UBASH3B: variants seen among roughly 807,000 people sequenced by gnomAD.
The protein encoded by UBASH3B is ubiquitin associated and SH3 domain containing B.
A neutral mutation model predicts 83.4 loss-of-function variants in UBASH3B; 37 were observed. The ratio of observed to expected loss-of-function variants is 0.44; its 90% CI spans 0.34 to 0.58. The LOEUF is 0.58. Among genes scored for constraint, UBASH3B ranks in the 20% least tolerant of loss-of-function variants. The pLI, the probability that UBASH3B is intolerant of heterozygous loss-of-function variation, is 0.01. For synonymous variants in UBASH3B, 304 were observed against 318.3 expected, an observed-to-expected ratio of 0.96 and a Z score of 0.48; for missense variants, 657 against 827.2, an observed-to-expected ratio of 0.79 and a Z score of 2.52.
At chr11:122,786,039 G>GTTTTTGT (rs553442810) in intron 5 of UBASH3B, among the ~76,000 whole-genome samples, 8 of 151,926 alleles carry the variant, frequency 5.3e-5, no homozygotes, top group South Asian at 4.2e-4. Context: ...TTTTGTTTTT[G>GTTTTTGT]TTTTTGTTTT....
At chr11:122,726,524 A>G (rs1474879374) in intron 1 of UBASH3B, among the ~76,000 whole-genome samples, 2 of 151,602 alleles carry the variant, frequency 1.3e-5, no homozygotes, top group Non-Finnish European at 2.9e-5. Flanking sequence ...TAATTTTTGT[A>G]TTTTTAGTAG....
At position 122,705,810 on chromosome 11, in the gene UBASH3B, G is replaced by A. The variant is rs573576215; in HGVS notation, c.161+49600G>A. Among the ~76,000 whole-genome samples, 6 of 152,270 alleles carry A rather than the reference G, an allele frequency of 3.9e-5. No individual in the cohort carries two copies. In the East Asian group the frequency reaches 7.7e-4, roughly 20 times the overall value. ...AATGGCTGCCAATGGATTTGCTGACGTCCCATCTTCGTTCAACTTTATCAC... is the reference window on the plus strand; with the variant it reads ...AATGGCTGCCAATGGATTTGCTGACATCCCATCTTCGTTCAACTTTATCAC... On this transcript the variant is annotated intron_variant, in intron 1 of 13. Coordinates refer to ENST00000284273, the MANE Select transcript of UBASH3B (RefSeq NM_032873.5).
At chr11:122,747,070 G>A (rs957867542) in intron 1 of UBASH3B, among the ~76,000 whole-genome samples, 3 of 152,352 alleles carry the variant, frequency 2.0e-5, no homozygotes, top group East Asian at 3.9e-4. Context: ...CAGAGGCTGC[G>A]GGGTGGGGGT....
chr11:122,709,217 G>A (rs1030375168), intron 1 of UBASH3B: 1 of 152,240 alleles, frequency 6.6e-6, no homozygotes, highest in African/African-American at 2.4e-5. Context: ...ACTCCATCCT[G>A]GGTGACAGAG....
intron 1 of UBASH3B, among the ~76,000 whole-genome samples, chr11:122,668,220 T>A (rs1173900777): frequency 2.0e-5 from 3 of 152,150 alleles, no homozygotes; most frequent in African/African-American, 7.2e-5. Flanking sequence ...ACTCCTGACC[T>A]CAGGTGATCC....
At chr11:122,801,827 C>T (rs960987958) in intron 11 of UBASH3B, among the ~76,000 whole-genome samples, 1 of 152,168 alleles carries the variant, frequency 6.6e-6, no homozygotes, top group African/African-American at 2.4e-5. Flanking sequence ...GGTATTTATA[C>T]ATTTAGTGAC....
chr11:122,675,680 A>T (rs115917974), intron 1 of UBASH3B, among the ~76,000 whole-genome samples: 11 of 152,334 alleles, frequency 7.2e-5, no homozygotes, highest in African/African-American at 2.6e-4. Flanking sequence ...ACTGGGGTCC[A>T]TGGCCCCCAG....
intron 1 of UBASH3B, among the ~76,000 whole-genome samples, chr11:122,763,630 C>T (rs967184041): frequency 6.6e-5 from 10 of 152,114 alleles, no homozygotes; most frequent in African/African-American, 2.4e-4. Flanking sequence ...CCCCAGCAGG[C>T]TTGCTATCCC....
intron 1 of UBASH3B, among the ~76,000 whole-genome samples, chr11:122,696,377 C>G (rs1319923908): frequency 6.7e-6 from 1 of 148,838 alleles, no homozygotes; most frequent in Non-Finnish European, 1.5e-5. Context: ...TTCTGTCACC[C>G]AGGCTGGAGT....
intron 1 of UBASH3B, among the ~76,000 whole-genome samples, chr11:122,744,902 C>CGTGTGTGTGTGTGTGT (rs1861090424): frequency 9.2e-6 from 1 of 109,008 alleles, no homozygotes; most frequent in Non-Finnish European, 2.1e-5. Context: ...TGTGTGTGCG[C>CGTGTGTGTGTGTGTGT]GCGCGCGCGC....
chr11:122,706,996 A>C (rs910244204), intron 1 of UBASH3B, among the ~76,000 whole-genome samples: 1 of 152,186 alleles, frequency 6.6e-6, no homozygotes. Context: ...TCTTCCTTAG[A>C]AGGAAGTTCC....
rs762965401 is a variant in UBASH3B, at chr11:122,798,960, G to A, written c.1376G>A (p.Ser459Asn). The change falls in exon 10 of 14, where the codon AGC becomes AAC. Residue 459 changes from serine (S) to asparagine (N), a missense_variant. Ser to Asn is a conservative substitution (Grantham distance 46, BLOSUM62 1). Transcript: ENST00000284273. The part of the protein sequence containing the change: ...ARLVGEALLE[S>N]NTIIDHVYCS... Reference sequence around the variant, plus strand: ...TTTGCAGGTGAAGCCTTATTAGAGAGCAATACCATTATCGATCATGTCTAT... The same window carrying A: ...TTTGCAGGTGAAGCCTTATTAGAGAACAATACCATTATCGATCATGTCTAT... The A allele has an allele frequency of 6.2e-7, 1 of 1,614,024 alleles. No individual in the cohort carries two copies. Among genetic ancestry groups the A allele is most frequent in the Non-Finnish European group, 8.5e-7 (1 of 1,179,988 alleles).
intron 1 of UBASH3B, among the ~76,000 whole-genome samples, chr11:122,683,854 T>C (rs1481272790): frequency 6.6e-6 from 1 of 151,956 alleles, no homozygotes; most frequent in African/African-American, 2.4e-5. Flanking sequence ...CTGCCCAGTC[T>C]TTTCTGATTT....
intron 1 of UBASH3B, among the ~76,000 whole-genome samples, chr11:122,760,207 C>T (rs1345923717): frequency 6.6e-6 from 1 of 152,148 alleles, no homozygotes; most frequent in East Asian, 1.9e-4. Flanking sequence ...ATGATACAAC[C>T]GCCTGGCTGG....
chr11:122,679,988 A>G (rs1490141887), intron 1 of UBASH3B, among the ~76,000 whole-genome samples: 1 of 151,804 alleles, frequency 6.6e-6, no homozygotes, highest in Non-Finnish European at 1.5e-5. Context: ...CCACCACCAC[A>G]GCCGGCTAAT....
rs185192769 is a variant in UBASH3B, at chr11:122,737,277, G to A, written c.162-38942G>A. Among the ~76,000 whole-genome samples the A allele has an allele frequency of 3.3e-5, 5 of 152,300 alleles. No homozygotes were observed. The East Asian group carries it at 7.7e-4, about 24-fold the overall frequency. On this transcript the variant is annotated intron_variant, in intron 1 of 13. Transcript: ENST00000284273. The stretch of plus-strand genomic sequence containing the variant: ...AGAATAAATTGGAAAGGGCAAAACC[G>A]GAAGCAGGAGATTTGTTAAAGCTGC...
In UBASH3B at chr11:122,782,808, C is replaced by G. The variant is rs551303558; in HGVS notation, c.602-245C>G. 7.7e-4 allele frequency: 349 copies of G among 453,712 alleles called. 1 individual carries two copies. Among genetic ancestry groups the G allele is most frequent in the African/African-American group, 6.1e-3 (311 of 50,764 alleles). The allele number at this position is 453,712 out of a possible 1,614,324, so 28.1% of individuals were successfully genotyped here. ...ACTTAACTAAAAGGACTGCCCTCAGCTGACCCGCAGCTCCTAGAGGAAAGC... is the reference window on the plus strand; with the variant it reads ...ACTTAACTAAAAGGACTGCCCTCAGGTGACCCGCAGCTCCTAGAGGAAAGC... On this transcript the variant is annotated intron_variant, in intron 4 of 13. Transcript: ENST00000284273.
intron 1 of UBASH3B, among the ~76,000 whole-genome samples, chr11:122,700,478 C>T (rs910193094): frequency 4.1e-5 from 6 of 147,144 alleles, no homozygotes; most frequent in Admixed American, 3.4e-4. Context: ...CTTACTCACT[C>T]TCATAGTTTA....
chr11:122,715,236 C>T (rs1042002234), intron 1 of UBASH3B, among the ~76,000 whole-genome samples: 3 of 152,022 alleles, frequency 2.0e-5, no homozygotes, highest in African/African-American at 4.8e-5. Context: ...TGAGCCACTG[C>T]GCCCAGCCGA....
Sources: allele counts gnomAD v4.1 joint callset (sites outside exome capture counted in the v4.1 genomes callset), GRCh38; gene constraint gnomAD v4.1.1; transcripts MANE v1.5; gene names NCBI Gene and HGNC (gene_info 2026-07-23, HGNC 2026-07-21).